DTD1: variants seen among roughly 807,000 people sequenced by gnomAD.
DTD1 encodes D-tyrosyl-tRNA deacylase 1 homolog.
DTD1 carries 13 observed loss-of-function variants against 25.6 expected under a neutral mutation model. That is an observed-to-expected ratio of 0.51 (90% confidence interval 0.33 to 0.81). The LOEUF (loss-of-function observed/expected upper bound fraction) is 0.81, where lower values mean the gene tolerates loss of function less well. Among genes scored for constraint, DTD1 ranks in the 30% least tolerant of loss-of-function variants. DTD1 has a pLI of 0.02. For synonymous variants in DTD1, 110 were observed against 103.6 expected, an observed-to-expected ratio of 1.06 and a Z score of -0.37; for missense variants, 193 against 266.4, an observed-to-expected ratio of 0.72 and a Z score of 1.92.
rs535459454 is a variant in DTD1, at chr20:18,692,346, A to G, written c.478-51754A>G. On this transcript the variant is annotated intron_variant, in intron 4 of 5. Coordinates refer to ENST00000377452, the MANE Select transcript of DTD1 (RefSeq NM_080820.6). ...TCTTAGAGAAAAGTCTCTGGAACGT[A>G]GCATCTCCATTCATATTTGCCACAA... is the stretch of plus-strand genomic sequence containing the variant. 5.3e-5 allele frequency among the ~76,000 whole-genome samples: 8 copies of G among 152,346 alleles called. No homozygotes were observed. The South Asian group carries it at 1.4e-3, about 28-fold the overall frequency.
intron 3 of DTD1, among the ~76,000 whole-genome samples, chr20:18,611,586 C>T (rs566913172): frequency 5.3e-5 from 8 of 152,108 alleles, no homozygotes; most frequent in South Asian, 2.1e-4. Context: ...GAGAGAAGAT[C>T]GTTGTCCCCT....
At chr20:18,715,322 A>C (rs2061175644) in intron 4 of DTD1, among the ~76,000 whole-genome samples, 1 of 152,166 alleles carries the variant, frequency 6.6e-6, no homozygotes, top group African/African-American at 2.4e-5. Context: ...GGTGTGCTCC[A>C]GGCTGAGTCA....
intron 4 of DTD1, among the ~76,000 whole-genome samples, chr20:18,720,298 A>G (rs1323956786): frequency 6.6e-6 from 1 of 152,220 alleles, no homozygotes; most frequent in African/African-American, 2.4e-5. Flanking sequence ...TCATACTATC[A>G]TAAATGCAGA....
At chr20:18,711,004 C>T (rs984040320) in intron 4 of DTD1, among the ~76,000 whole-genome samples, 1 of 152,192 alleles carries the variant, frequency 6.6e-6, no homozygotes, top group Non-Finnish European at 1.5e-5. Flanking sequence ...TACTTGAAAT[C>T]ACTTTGGTTA....
At chr20:18,663,059 C>G (rs919711273) in intron 4 of DTD1, among the ~76,000 whole-genome samples, 20 of 152,210 alleles carry the variant, frequency 1.3e-4, no homozygotes, top group African/African-American at 4.1e-4. Flanking sequence ...CTTCCCTGCC[C>G]CTTTGGTATC....
At chr20:18,719,213 G>A (rs9941731) in intron 4 of DTD1, among the ~76,000 whole-genome samples, 50,132 of 151,624 alleles carry the variant, frequency 0.33, 8,619 homozygotes, top group Non-Finnish European at 0.38. Flanking sequence ...TCTATTTTTT[G>A]TGTATATTTC....
chr20:18,703,585 G>GT (rs746792089), intron 4 of DTD1, among the ~76,000 whole-genome samples: 1 of 150,856 alleles, frequency 6.6e-6, no homozygotes. Context: ...TTTTCCATTT[G>GT]TTTTTTTAAC....
chr20:18,747,926 G>C (rs960071969), intron 5 of DTD1, among the ~76,000 whole-genome samples: 5 of 152,098 alleles, frequency 3.3e-5, no homozygotes, highest in Non-Finnish European at 5.9e-5. Flanking sequence ...GGCTGAGGCA[G>C]GAGAATCTCT....
chr20:18,630,088 G>T lies in DTD1; in HGVS notation c.477+1855G>T, dbSNP rs117963011. 3.3e-5 allele frequency among the ~76,000 whole-genome samples: 5 copies of T among 151,480 alleles called. No homozygotes were observed. The East Asian group carries it at 9.7e-4, about 29-fold the overall frequency. On this transcript the variant is annotated intron_variant, in intron 4 of 5. Transcript: ENST00000377452. ...TGATGTAGTAGGCTAGACTTCAGTG[G>T]TAGTAACTGAGGGTCTTGGAATGAC... is the stretch of plus-strand genomic sequence containing the variant.
At chr20:18,727,349 G>A (rs1005797660) in intron 4 of DTD1, among the ~76,000 whole-genome samples, 22 of 152,260 alleles carry the variant, frequency 1.4e-4, no homozygotes, top group African/African-American at 5.1e-4. Flanking sequence ...AACAGGATGA[G>A]GTGGTAGGGC....
intron 3 of DTD1, among the ~76,000 whole-genome samples, chr20:18,627,111 A>G (rs752801508): frequency 6.6e-6 from 1 of 152,204 alleles, no homozygotes; most frequent in Non-Finnish European, 1.5e-5. Flanking sequence ...TAGGATCTAG[A>G]TTAATCTTGC....
chr20:18,714,266 T>A (rs1410328479), intron 4 of DTD1, among the ~76,000 whole-genome samples: 1 of 152,202 alleles, frequency 6.6e-6, no homozygotes, highest in Non-Finnish European at 1.5e-5. Context: ...CAAATAACCT[T>A]TTTTGTTTTC....
intron 3 of DTD1, among the ~76,000 whole-genome samples, chr20:18,598,646 A>G (rs900094791): frequency 3.3e-5 from 5 of 150,258 alleles, no homozygotes; most frequent in African/African-American, 1.2e-4. Context: ...TACAGACACC[A>G]GCCACCACAC....
At chr20:18,755,902 T>G (rs1412275912) in intron 5 of DTD1, among the ~76,000 whole-genome samples, 3 of 152,076 alleles carry the variant, frequency 2.0e-5, no homozygotes, top group African/African-American at 2.4e-5. Context: ...GTAAAAGTGT[T>G]CCTATTTCTC....
chr20:18,722,828 C>T (rs1294396473), intron 4 of DTD1, among the ~76,000 whole-genome samples: 1 of 152,160 alleles, frequency 6.6e-6, no homozygotes, highest in Non-Finnish European at 1.5e-5. Flanking sequence ...CATTCAGATA[C>T]AGCAGATTTG....
chr20:18,611,537 T>A (rs1320721111), intron 3 of DTD1, among the ~76,000 whole-genome samples: 2 of 152,226 alleles, frequency 1.3e-5, no homozygotes, highest in African/African-American at 4.8e-5. Flanking sequence ...TATTTTACAT[T>A]TATATTTGAT....
intron 4 of DTD1, among the ~76,000 whole-genome samples, chr20:18,690,136 T>TA (rs74180929): frequency 0.65 from 83,722 of 129,672 alleles, 28,075 homozygotes; most frequent in Non-Finnish European, 0.77. Flanking sequence ...ACCCTGTCTC[T>TA]AAAAAAAAAA....
intron 4 of DTD1, among the ~76,000 whole-genome samples, chr20:18,695,582 CTCCCCTCCCCTCCCCTCCCCTCCCCCCT>C (rs2061072642): frequency 9.6e-5 from 2 of 20,796 alleles, no homozygotes; most frequent in Non-Finnish European, 1.9e-4. Flanking sequence ...TTCCCCTCCC[CTCCCCTCCCCTCCCCTCCCCTCCCCCCT>C]TCCCTTCTTT....
At chr20:18,762,759 A>C (rs1189199520) in intron 5 of DTD1, among the ~76,000 whole-genome samples, 1 of 152,106 alleles carries the variant, frequency 6.6e-6, no homozygotes, top group Non-Finnish European at 1.5e-5. Context: ...GTCTGACCAG[A>C]GACTTATCTA....
Sources: allele counts gnomAD v4.1 joint callset (sites outside exome capture counted in the v4.1 genomes callset), GRCh38; gene constraint gnomAD v4.1.1; transcripts MANE v1.5; gene names NCBI Gene and HGNC (gene_info 2026-07-23, HGNC 2026-07-21).